ZNF217: variants seen among roughly 807,000 people sequenced by gnomAD.
ZNF217 encodes zinc finger protein 217.
In ZNF217, 12 loss-of-function variants were observed where a neutral mutation model predicts 73.3. The ratio of observed to expected loss-of-function variants is 0.16; its 90% CI spans 0.10 to 0.27. The LOEUF (loss-of-function observed/expected upper bound fraction) is 0.27. Among genes scored for constraint, ZNF217 ranks in the 10% least tolerant of loss-of-function variants. The pLI is 1.00. For missense variants in ZNF217, 1,195 were observed against 1,327.8 expected (o/e 0.90, Z 1.55); for synonymous variants, 588 against 516.4 (o/e 1.14, Z -1.88).
intron 1 of ZNF217, among the ~76,000 whole-genome samples, chr20:53,583,930 A>G (rs1212667978): frequency 1.3e-5 from 2 of 152,264 alleles, no homozygotes. Flanking sequence ...AAATAGGGAA[A>G]GACATACACA....
At chr20:53,584,730 G>T (rs1260153393) in intron 1 of ZNF217, among the ~76,000 whole-genome samples, 7 of 152,356 alleles carry the variant, frequency 4.6e-5, no homozygotes, top group African/African-American at 1.4e-4. Flanking sequence ...TCTGGGGATA[G>T]AGCTACACAT....
chr20:53,576,666 T>C lies in ZNF217; in HGVS notation c.2098A>G (p.Ile700Val), dbSNP rs771911621. ...SVGALHNCPA[I>V]SLSKSLIPSI... ...GGAATCAAACTTTTACTCAAAGAAA[T>C]TGCCGGGCAATTGTGAAGAGCCCCC... is the stretch of plus-strand genomic sequence containing the variant. Residue 700 changes from isoleucine to valine, a missense_variant, in exon 4 of 6, where the codon ATT becomes GTT. Around this residue, in one of 9 missense-constraint regions of ZNF217, gnomAD observed 649 missense variants for 642.8 expected, o/e 1.01. Transcript: ENST00000371471. 1 of 1,614,202 alleles carries C rather than the reference T, an allele frequency of 6.2e-7. No homozygotes were observed. The highest frequency in any genetic ancestry group is 8.5e-7 in the Non-Finnish European group (1 of 1,180,042).
chr20:53,576,563 T>A lies in ZNF217; in HGVS notation c.2201A>T (p.Lys734Ile). The change falls in exon 4 of 6, where the codon AAA (lysine) becomes ATA (isoleucine). Residue 734 changes from lysine (K) to isoleucine (I), a missense_variant. Transcript: ENST00000371471. ...VLMMHQRLEH[K>I]YNPDVHKNCR... ...GTTTTTATGAACGTCAGGATTGTATTTATGCTCCAGTCTCTGGTGCATCAT... is the reference window on the plus strand; with the variant it reads ...GTTTTTATGAACGTCAGGATTGTATATATGCTCCAGTCTCTGGTGCATCAT... 6.2e-7 allele frequency: 1 copy of A among 1,614,234 alleles called. No individual in the cohort carries two copies. Among genetic ancestry groups the A allele is most frequent in the East Asian group, 2.2e-5 (1 of 44,894 alleles).
chr20:53,576,778 G>A lies in ZNF217; in HGVS notation c.1986C>T (p.Ser662=), dbSNP rs768555897. 2 of 1,614,202 alleles carry A rather than the reference G, an allele frequency of 1.2e-6. No individual in the cohort carries two copies. The highest frequency in any genetic ancestry group is 1.7e-5 in the Admixed American group (1 of 60,024). Residue 662 remains serine (S), a synonymous_variant, in exon 4 of 6, where the codon AGC becomes AGT. Coordinates refer to ENST00000371471, the MANE Select transcript of ZNF217 (RefSeq NM_006526.3). ...DGSTTHNLEV[S]PKEKQTETAA... ...CGGTCTCCGTTTGCTTCTCTTTGGG[G>A]CTAACTTCAAGGTTATGGGTGGTAC...
Position 53,593,806 on chromosome 20 carries a change from G to A in ZNF217, c.-393C>T, listed in dbSNP as rs906399637. Reference sequence around the variant, plus strand: ...TCCTCGCGCGGCGGCGGCCGGGACTGAGCTGACACCACTCGGGCCGGCCGG... The same window carrying A: ...TCCTCGCGCGGCGGCGGCCGGGACTAAGCTGACACCACTCGGGCCGGCCGG... On this transcript the variant is annotated 5_prime_UTR_variant, in exon 1 of 6. Coordinates refer to ENST00000371471, the MANE Select transcript of ZNF217 (RefSeq NM_006526.3). 7 of 149,122 alleles carry A rather than the reference G, an allele frequency of 4.7e-5. No homozygotes were observed. Among genetic ancestry groups the A allele is most frequent in the South Asian group, 2.1e-4 (1 of 4,714 alleles). The allele number at this position is 149,122 out of a possible 1,614,324, so 9.2% of individuals were successfully genotyped here.
At position 53,586,311 on chromosome 20, in the gene ZNF217, T is replaced by C. The variant is rs1298107934; in HGVS notation, c.-342-3143A>G. Among the ~76,000 whole-genome samples, 24 of 152,256 alleles carry C rather than the reference T, an allele frequency of 1.6e-4. 1 individual carries two copies. In the South Asian group the frequency reaches 4.4e-3, roughly 28 times the overall value. On this transcript the variant is annotated intron_variant, in intron 1 of 5. Coordinates refer to ENST00000371471, the MANE Select transcript of ZNF217 (RefSeq NM_006526.3). ...GTCACTAACCGTAACTGATCAGAAA[T>C]TAAAATTAACTTGCATGTTCATCAA...
rs1987865991 is a variant in ZNF217, at chr20:53,568,984, T to A, written c.*304A>T. On this transcript the variant is annotated 3_prime_UTR_variant, in exon 6 of 6. Transcript: ENST00000371471. ...GCGCTCAAGTATGCAAAAATTCCACTTCTTATTTGGTCAATTCTAAGAAAA... is the reference window on the plus strand; with the variant it reads ...GCGCTCAAGTATGCAAAAATTCCACATCTTATTTGGTCAATTCTAAGAAAA... The A allele has an allele frequency of 1.9e-6, 1 of 516,648 alleles. No individual in the cohort carries two copies. The highest frequency in any genetic ancestry group is 2.4e-5 in the African/African-American group (1 of 41,686). 32.0% of individuals were successfully genotyped at this position (516,648 alleles called of 1,614,324 possible).
At chr20:53,574,417 A>C (rs1333171442) in intron 4 of ZNF217, 9 of 152,226 alleles carry the variant, frequency 5.9e-5, no homozygotes, top group Non-Finnish European at 8.8e-5. Flanking sequence ...TGTGGGAAGC[A>C]TGTGACTTGA....
intron 4 of ZNF217, chr20:53,574,864 C>T (rs1179718654): frequency 6.7e-6 from 1 of 150,200 alleles, no homozygotes; most frequent in Non-Finnish European, 1.5e-5. Flanking sequence ...GCACTGACTA[C>T]TGAGCACACC....
chr20:53,578,488 G>C (rs767129248), intron 2 of ZNF217, 38 bp from the exon 3 acceptor site: 3 of 1,321,126 alleles, frequency 2.3e-6, no homozygotes, highest in Middle Eastern at 2.6e-4. Context: ...TAAGAAGGTA[G>C]CTGAAGTACC....
chr20:53,579,377 A>T (rs1988402740), intron 2 of ZNF217, among the ~76,000 whole-genome samples: 1 of 152,248 alleles, frequency 6.6e-6, no homozygotes, highest in African/African-American at 2.4e-5. Flanking sequence ...TGTCTAAAGA[A>T]AGAAAAAAAA....
At chr20:53,571,311 AAAAAATCAAAATCCAAC>A (rs1987987351) in intron 5 of ZNF217, among the ~76,000 whole-genome samples, 1 of 152,142 alleles carries the variant, frequency 6.6e-6, no homozygotes, top group Non-Finnish European at 1.5e-5. Flanking sequence ...TAAAACACCT[AAAAAATCAAAATCCAAC>A]TTAAAAGCAA....
upstream of ZNF217, among the ~76,000 whole-genome samples, chr20:53,596,993 C>G (rs1455606954): frequency 6.6e-6 from 1 of 151,376 alleles, no homozygotes; most frequent in Non-Finnish European, 1.5e-5. Context: ...CTAATTTAAT[C>G]CTAGTGATAT....
rs747573891 is a variant in ZNF217, at chr20:53,581,606, C to G, written c.1221G>C (p.Ser407=). ...HKKDRRAGAE[S]PTMSVDGRQP... is the part of the protein sequence containing the mutation. Reference sequence around the variant, plus strand: ...GCCTCCCGTCCACAGACATGGTGGGCGACTCCGCGCCGGCCCTCCGGTCCT... The same window carrying G: ...GCCTCCCGTCCACAGACATGGTGGGGGACTCCGCGCCGGCCCTCCGGTCCT... The change falls in exon 2 of 6, where the codon TCG becomes TCC. Residue 407 remains serine, a synonymous_variant. Transcript: ENST00000371471. This position sits in a 1 kb window ranked among gnomAD's most constrained non-coding sequence, Gnocchi z 4.9. The G allele has an allele frequency of 1.9e-6, 3 of 1,614,066 alleles. No homozygotes were observed. The highest frequency in any genetic ancestry group is 1.7e-5 in the Admixed American group (1 of 60,010).
In ZNF217 at chr20:53,571,979, G is replaced by A. The variant is rs1988031460; in HGVS notation, c.3038-126C>T. On this transcript the variant is annotated intron_variant, in intron 4 of 5. Transcript: ENST00000371471. Reference sequence around the variant, plus strand: ...ATGTAATCAACGCCTAAGTCACACAGTCGCATGCAAGTGTTTTCAGTTACA... The same window carrying A: ...ATGTAATCAACGCCTAAGTCACACAATCGCATGCAAGTGTTTTCAGTTACA... The A allele has an allele frequency of 5.4e-6, 5 of 919,930 alleles. No individual in the cohort carries two copies. In the South Asian group the frequency reaches 9.3e-5, roughly 17 times the overall value. The allele number at this position is 919,930 out of a possible 1,614,324, so 57.0% of individuals were successfully genotyped here.
rs1231691884 is a variant in ZNF217 at position 53,567,155 on chromosome 20, T to C, written c.*2133A>G. On this transcript the variant is annotated 3_prime_UTR_variant, in exon 6 of 6. Coordinates refer to ENST00000371471, the MANE Select transcript of ZNF217 (RefSeq NM_006526.3). ...AATATATCATAAATAAAACAAGTAA[T>C]GTCTACTGTTCGACAACTTAAGTAT... 6.6e-6 allele frequency: 1 copy of C among 152,458 alleles called. No homozygotes were observed. The highest frequency in any genetic ancestry group is 6.6e-5 in the Admixed American group (1 of 15,256). The allele number at this position is 152,458 out of a possible 1,614,324, so 9.4% of individuals were successfully genotyped here.
chr20:53,588,573 C>T (rs548701364), intron 1 of ZNF217, among the ~76,000 whole-genome samples: 17 of 147,634 alleles, frequency 1.2e-4, no homozygotes, highest in Non-Finnish European at 2.2e-4. Context: ...AAACACTGAA[C>T]GTGTGTATAC....
At chr20:53,586,993 G>C (rs1485824952) in intron 1 of ZNF217, among the ~76,000 whole-genome samples, 1 of 152,226 alleles carries the variant, frequency 6.6e-6, no homozygotes, top group Non-Finnish European at 1.5e-5. Context: ...TAAGCTTACT[G>C]AAAAGTACTT....
rs1415873636 is a variant in ZNF217 at position 53,581,738 on chromosome 20, C to T, written c.1089G>A (p.Ala363=). 3.7e-6 allele frequency: 6 copies of T among 1,614,100 alleles called. No homozygotes were observed. The African/African-American group carries it at 4.0e-5, about 11-fold the overall frequency. The change falls in exon 2 of 6, where the codon GCG becomes GCA. Residue 363 remains alanine, a synonymous_variant. Coordinates refer to ENST00000371471, the MANE Select transcript of ZNF217 (RefSeq NM_006526.3). This position sits in a 1 kb window ranked among gnomAD's most constrained non-coding sequence, Gnocchi z 4.9. ...CCTTGCTACTGGGTAACTTGGGATC[C>T]GCGTCCACGGAGGGCGCTTCGCCGT... is the stretch of plus-strand genomic sequence containing the variant. ...HSHGEAPSVD[A]DPKLPSSKEK... is the part of the protein sequence containing the mutation.
Sources: allele counts gnomAD v4.1 joint callset (sites outside exome capture counted in the v4.1 genomes callset), GRCh38; gene constraint gnomAD v4.1.1; regional missense constraint gnomAD v4.1.1; non-coding constraint Gnocchi (gnomAD v3.1); transcripts MANE v1.5; gene names NCBI Gene and HGNC (gene_info 2026-07-23, HGNC 2026-07-21).